The following NFIA variants were observed in gnomAD, a reference collection of about 807,000 sequenced individuals.
NFIA encodes the protein nuclear factor 1 A-type.
A neutral mutation model predicts 62.8 loss-of-function variants in NFIA; 8 were observed. The ratio of observed to expected loss-of-function variants is 0.13; its 90% CI spans 0.07 to 0.23. The LOEUF is 0.23. NFIA is among the 10% of genes least tolerant of loss of function. The pLI is 1.00. For missense variants in NFIA, 410 were observed against 642.1 expected, an observed-to-expected ratio of 0.64 and a Z score of 3.91; for synonymous variants, 235 against 238.1, an observed-to-expected ratio of 0.99 and a Z score of 0.12.
At chr1:61,392,973 C>T (rs187302315) in intron 7 of NFIA, among the ~76,000 whole-genome samples, 6 of 152,196 alleles carry the variant, frequency 3.9e-5, no homozygotes, top group Middle Eastern at 3.4e-3. Context: ...CACACACAGG[C>T]ATAGACCCAC....
At chr1:61,378,412 G>T (rs1337580240) in intron 6 of NFIA, among the ~76,000 whole-genome samples, 1 of 152,194 alleles carries the variant, frequency 6.6e-6, no homozygotes, top group Non-Finnish European at 1.5e-5. Context: ...GACTAGGCTA[G>T]TGAAAGACTA....
At chr1:61,122,477 A>G (rs1226727419) in intron 2 of NFIA, among the ~76,000 whole-genome samples, 1 of 152,208 alleles carries the variant, frequency 6.6e-6, no homozygotes, top group Non-Finnish European at 1.5e-5. Context: ...CTCTCCTGAC[A>G]TAAAAAAAGG....
intron 5 of NFIA, among the ~76,000 whole-genome samples, chr1:61,352,784 C>CACAT: frequency 6.7e-6 from 1 of 150,056 alleles, no homozygotes; most frequent in Non-Finnish European, 1.5e-5. Flanking sequence ...CACACACACA[C>CACAT]GCACACACAC....
chr1:61,233,978 G>T (rs1654829660), intron 2 of NFIA, among the ~76,000 whole-genome samples: 1 of 152,162 alleles, frequency 6.6e-6, no homozygotes, highest in African/African-American at 2.4e-5. Context: ...GCTGTGAAGA[G>T]ATCCTTGACC....
At chr1:61,120,297 C>T (rs1355159149) in intron 2 of NFIA, among the ~76,000 whole-genome samples, 1 of 152,164 alleles carries the variant, frequency 6.6e-6, no homozygotes, top group African/African-American at 2.4e-5. Context: ...GACAGTGAGC[C>T]ACTCACATAA....
chr1:61,350,188 A>G (rs1662474173), intron 4 of NFIA, among the ~76,000 whole-genome samples: 1 of 152,144 alleles, frequency 6.6e-6, no homozygotes, highest in Admixed American at 6.5e-5. Context: ...CATTCCATTG[A>G]CCAGTGTTTA....
At chr1:61,170,924 AG>A (rs1303689357) in intron 2 of NFIA, among the ~76,000 whole-genome samples, 1 of 152,140 alleles carries the variant, frequency 6.6e-6, no homozygotes, top group African/African-American at 2.4e-5. Context: ...AAAAAAAAAG[AG>A]ACATTCTTTC....
At chr1:61,234,281 C>T (rs955708120) in intron 2 of NFIA, among the ~76,000 whole-genome samples, 1 of 150,130 alleles carries the variant, frequency 6.7e-6, no homozygotes, top group African/African-American at 2.5e-5. Context: ...GCAGGAGAAT[C>T]GCTTGAACCC....
intron 2 of NFIA, among the ~76,000 whole-genome samples, chr1:61,251,947 C>A (rs1656068809): frequency 1.3e-5 from 2 of 152,212 alleles, no homozygotes; most frequent in African/African-American, 4.8e-5. Context: ...ATAGAGGTAT[C>A]AATTCAGTTA....
chr1:61,265,952 G>A (rs1657134023), intron 2 of NFIA, among the ~76,000 whole-genome samples: 1 of 152,132 alleles, frequency 6.6e-6, no homozygotes, highest in African/African-American at 2.4e-5. Flanking sequence ...ATTTCTAATT[G>A]CACTTATGAT....
intron 2 of NFIA, among the ~76,000 whole-genome samples, chr1:61,225,880 T>TA (rs1239701824): frequency 6.6e-6 from 1 of 152,160 alleles, no homozygotes. Context: ...TAGACTATAA[T>TA]AATTCCAGAA....
At chr1:61,258,201 G>A (rs1038100153) in intron 2 of NFIA, among the ~76,000 whole-genome samples, 21 of 152,078 alleles carry the variant, frequency 1.4e-4, no homozygotes, top group Non-Finnish European at 1.5e-5. Flanking sequence ...TTTGGAAACA[G>A]CATTCTCAAC....
chr1:61,445,237 T>A (rs967730613), intron 10 of NFIA, among the ~76,000 whole-genome samples: 2 of 152,174 alleles, frequency 1.3e-5, no homozygotes, highest in East Asian at 3.9e-4. Context: ...ACGTATGCTA[T>A]GTACATGTCC....
At chr1:61,243,551 GT>G (rs578187725) in intron 2 of NFIA, among the ~76,000 whole-genome samples, 89 of 151,734 alleles carry the variant, frequency 5.9e-4, no homozygotes, top group East Asian at 5.8e-3. Flanking sequence ...CAATTTTGTT[GT>G]TTTTTTTCTA....
chr1:61,317,844 T>A (rs1660452142), intron 3 of NFIA, among the ~76,000 whole-genome samples: 1 of 152,154 alleles, frequency 6.6e-6, no homozygotes, highest in South Asian at 2.1e-4. Context: ...ACATTCTGTG[T>A]TCTAGGTTCT....
intron 2 of NFIA, among the ~76,000 whole-genome samples, chr1:61,256,318 C>T (rs1015502536): frequency 1.3e-5 from 2 of 151,584 alleles, no homozygotes; most frequent in Non-Finnish European, 2.9e-5. Flanking sequence ...TGCCTGTAAT[C>T]CCAGCTACTC....
chr1:61,198,561 A>G (rs1051961616), intron 2 of NFIA, among the ~76,000 whole-genome samples: 1 of 152,098 alleles, frequency 6.6e-6, no homozygotes, highest in African/African-American at 2.4e-5. Flanking sequence ...TGAGAATAGG[A>G]CCTGGGGGTT....
rs529428341 is a variant in NFIA, at chr1:61,448,479, A to G, written c.1513-6824A>G. Among the ~76,000 whole-genome samples, 182 of 152,324 alleles carry G rather than the reference A, an allele frequency of 1.2e-3. 1 individual carries two copies. The highest frequency in any genetic ancestry group is 4.2e-3 in the African/African-American group (173 of 41,570). ...CCCTAAGGCCCCAGAAACCGTTCAC[A>G]GTGAGAGAACCCAGCTACCCCTGGC... On this transcript the variant is annotated intron_variant, in intron 10 of 10. Coordinates refer to ENST00000403491, the MANE Select transcript of NFIA (RefSeq NM_001134673.4).
intron 3 of NFIA, among the ~76,000 whole-genome samples, chr1:61,293,333 G>C (rs192380295): frequency 9.2e-5 from 14 of 152,352 alleles, no homozygotes; most frequent in Admixed American, 5.2e-4. Flanking sequence ...GGAATTTGCA[G>C]TTTCTGTGTG....
Sources: gnomAD v4.1 joint callset for allele counts (sites outside exome capture counted in the v4.1 genomes callset) on GRCh38, gnomAD v4.1.1 for gene constraint, MANE v1.5 for transcripts, NCBI Gene and HGNC (gene_info 2026-07-23, HGNC 2026-07-21) for gene names.